The following ARMC12 variants were observed in gnomAD, a reference collection of about 807,000 sequenced individuals.
The protein encoded by ARMC12 is armadillo repeat containing 12, also known as armadillo repeat-containing protein 12.
Under a neutral mutation model 37.4 loss-of-function variants are expected in ARMC12, and 25 were observed. The observed-to-expected ratio is 0.67, with a 90% CI of 0.49 to 0.93. The LOEUF (loss-of-function observed/expected upper bound fraction) is 0.93. ARMC12 is among the 40% of genes least tolerant of loss of function. The pLI is 0.00. For missense variants in ARMC12, 384 were observed against 426.6 expected (o/e 0.90, Z 0.88); for synonymous variants, 167 against 176.1 (o/e 0.95, Z 0.41).
At chr6:35,740,302 C>T (rs1767125978) in intron 3 of ARMC12, among the ~76,000 whole-genome samples, 1 of 152,050 alleles carries the variant, frequency 6.6e-6, no homozygotes, top group Admixed American at 6.6e-5. Flanking sequence ...TTTCCTGCTG[C>T]TGCCATGAAA....
At chr6:35,745,347 T>C (rs1443586642) in intron 3 of ARMC12, among the ~76,000 whole-genome samples, 2 of 152,228 alleles carry the variant, frequency 1.3e-5, no homozygotes, top group Non-Finnish European at 2.9e-5. Context: ...AAGGGCGTTA[T>C]GCTGAGTGAA....
chr6:35,739,232 C>T (rs867711640), intron 3 of ARMC12, among the ~76,000 whole-genome samples: 23 of 152,066 alleles, frequency 1.5e-4, no homozygotes, highest in African/African-American at 5.1e-4. Flanking sequence ...TTTCTGTAAC[C>T]GGTTACAGGG....
At position 35,749,030 on chromosome 6, in the gene ARMC12, C is replaced by A. The variant is rs1767427814; in HGVS notation, c.*160C>A. The A allele has an allele frequency of 4.6e-6, 3 of 655,344 alleles. No homozygotes were observed. The highest frequency in any genetic ancestry group is 7.3e-6 in the Non-Finnish European group (3 of 411,628). 40.6% of individuals were successfully genotyped at this position (655,344 alleles called of 1,614,324 possible). ...ATGGGCTTATCTCTCAAAACACATC[C>A]CCACTTCTATGTTTGGGGGACTAGC... On this transcript the variant is annotated 3_prime_UTR_variant, in exon 6 of 6. Transcript: ENST00000373866.
At chr6:35,733,715 C>T (rs2151030866), upstream of ARMC12, among the ~76,000 whole-genome samples, 1 of 152,328 alleles carries the variant, frequency 6.6e-6, no homozygotes, top group South Asian at 2.1e-4. Flanking sequence ...CCATGTTGGC[C>T]AGGCTGGCCA....
intron 2 of ARMC12, 98 bp from the exon 3 acceptor site, chr6:35,738,286 T>TGCGGGG: frequency 9.4e-7 from 1 of 1,059,414 alleles, no homozygotes; most frequent in South Asian, 1.7e-5. Context: ...CTGATAGCGG[T>TGCGGGG]GGGGGGGGGG....
At chr6:35,747,499 G>C in intron 4 of ARMC12, 65 bp downstream of exon 4, 1 of 1,611,502 alleles carries the variant, frequency 6.2e-7, no homozygotes, top group Non-Finnish European at 8.5e-7. Context: ...CTTAGAGGGA[G>C]GAGCAGAGGT....
At chr6:35,737,904 C>T (rs970623137) in intron 1 of ARMC12, 123 bp from the exon 2 acceptor site, 63 of 1,368,940 alleles carry the variant, frequency 4.6e-5, no homozygotes, top group African/African-American at 1.9e-4. Flanking sequence ...CTGCATATGG[C>T]GAGAAGGCTT....
At chr6:35,738,270 C>T in intron 2 of ARMC12, 98 bp downstream of exon 2, 2 of 1,325,890 alleles carry the variant, frequency 1.5e-6, no homozygotes, top group Non-Finnish European at 2.1e-6. Flanking sequence ...TGGGACCTCT[C>T]TCTGGCTGAT....
Position 35,737,153 on chromosome 6 carries a change from C to G in ARMC12, c.45C>G (p.Arg15=), listed in dbSNP as rs757095955. The change falls in exon 1 of 6, where the codon CGC becomes CGG. Residue 15 remains arginine (R), a synonymous_variant. Coordinates refer to ENST00000373866, the MANE Select transcript of ARMC12 (RefSeq NM_001286574.2). The stretch of plus-strand genomic sequence containing the variant: ...AATACCTGGGGCAACTGGACATCCG[C>G]AAAAGCGTAGTCAGCCTGGCCACAG... The part of the protein sequence containing the change: ...IPQYLGQLDI[R]KSVVSLATGA... 6.2e-7 allele frequency: 1 copy of G among 1,614,240 alleles called. No homozygotes were observed. Among genetic ancestry groups the G allele is most frequent in the South Asian group, 1.1e-5 (1 of 91,088 alleles).
Position 35,737,080 on chromosome 6 carries a change from T to A in ARMC12, c.-29T>A. 1 of 1,612,058 alleles carries A rather than the reference T, an allele frequency of 6.2e-7. No individual in the cohort carries two copies. Among genetic ancestry groups the A allele is most frequent in the Non-Finnish European group, 8.5e-7 (1 of 1,178,650 alleles). On this transcript the variant is annotated 5_prime_UTR_variant, in exon 1 of 6. Coordinates refer to ENST00000373866, the MANE Select transcript of ARMC12 (RefSeq NM_001286574.2). Reference sequence around the variant, plus strand: ...CCCACAGGTGCCTTGGGCCTAGCTCTCACCTGGGCCCAGGGCAACACTGAA... The same window carrying A: ...CCCACAGGTGCCTTGGGCCTAGCTCACACCTGGGCCCAGGGCAACACTGAA...
intron 3 of ARMC12, among the ~76,000 whole-genome samples, chr6:35,744,666 A>T (rs977716182): frequency 2.6e-5 from 4 of 152,024 alleles, no homozygotes; most frequent in African/African-American, 9.7e-5. Flanking sequence ...GAGAAAGGAG[A>T]ATCACTTGAA....
intron 3 of ARMC12, among the ~76,000 whole-genome samples, chr6:35,743,077 G>T (rs1010442168): frequency 4.6e-5 from 7 of 152,184 alleles, no homozygotes; most frequent in Non-Finnish European, 1.0e-4. Context: ...CTTTTGAGGG[G>T]TGGGGGAAGG....
Position 35,737,244 on chromosome 6 carries a change from T to G in ARMC12, c.136T>G (p.Cys46Gly). ...KAGIKCKPPL[C>G]SNSPICIARL... is the part of the protein sequence containing the mutation. ...TGGCATAAAATGCAAACCACCCCTCTGTAGCAACTCACCCATCTGCATCGC... is the reference window on the plus strand; with the variant it reads ...TGGCATAAAATGCAAACCACCCCTCGGTAGCAACTCACCCATCTGCATCGC... Residue 46 changes from cysteine (C) to glycine (G), a missense_variant, in exon 1 of 6, where the codon TGT becomes GGT. Cys to Gly is a radical substitution (Grantham distance 159). Coordinates refer to ENST00000373866, the MANE Select transcript of ARMC12 (RefSeq NM_001286574.2). The G allele has an allele frequency of 6.2e-7, 1 of 1,614,244 alleles. No individual in the cohort carries two copies. Among genetic ancestry groups the G allele is most frequent in the East Asian group, 2.2e-5 (1 of 44,882 alleles).
upstream of ARMC12, among the ~76,000 whole-genome samples, chr6:35,733,510 A>T: frequency 6.6e-6 from 1 of 152,132 alleles, no homozygotes; most frequent in East Asian, 1.9e-4. Flanking sequence ...TCCATGACTA[A>T]ACTGGTTTGT....
At chr6:35,736,967 A>G (rs967578315), upstream of ARMC12, 23 of 1,322,618 alleles carry the variant, frequency 1.7e-5, no homozygotes, top group Non-Finnish European at 2.3e-5. Flanking sequence ...CCTCCATCCC[A>G]TTATCTCCCC....
intron 3 of ARMC12, among the ~76,000 whole-genome samples, chr6:35,741,969 C>CA (rs1767182186): frequency 6.6e-6 from 1 of 151,934 alleles, no homozygotes; most frequent in East Asian, 1.9e-4. Flanking sequence ...GTGATCCTCC[C>CA]ACCTCAACCT....
chr6:35,740,782 G>A (rs574337462), intron 3 of ARMC12, among the ~76,000 whole-genome samples: 1 of 152,012 alleles, frequency 6.6e-6, no homozygotes, highest in African/African-American at 2.4e-5. Context: ...AATATAGTCT[G>A]GTATGTTTTT....
chr6:35,744,944 A>T (rs1439360338), intron 3 of ARMC12, among the ~76,000 whole-genome samples: 1 of 152,248 alleles, frequency 6.6e-6, no homozygotes, highest in Non-Finnish European at 1.5e-5. Flanking sequence ...CTATTAGAAG[A>T]TCTAAAATCA....
chr6:35,744,055 C>A (rs946008144), intron 3 of ARMC12, among the ~76,000 whole-genome samples: 14 of 152,112 alleles, frequency 9.2e-5, no homozygotes, highest in African/African-American at 3.4e-4. Context: ...ATACATTGGA[C>A]TTTATTAAAA....
Sources: allele counts gnomAD v4.1 joint callset (sites outside exome capture counted in the v4.1 genomes callset), GRCh38; gene constraint gnomAD v4.1.1; transcripts MANE v1.5; gene names NCBI Gene and HGNC (gene_info 2026-07-23, HGNC 2026-07-21).